Variants in NCKAP5 observed in about 807,000 individuals in gnomAD.
NCKAP5 encodes the protein NCK associated protein 5, also known as nck-associated protein 5.
A neutral mutation model predicts 167.0 loss-of-function variants in NCKAP5; 92 were observed. The ratio of observed to expected loss-of-function variants is 0.55; its 90% CI spans 0.47 to 0.66. NCKAP5 has a LOEUF of 0.66. Ranked by LOEUF, NCKAP5 falls within the 30% of genes least tolerant of loss-of-function variation. The probability of loss-of-function intolerance (pLI) is 0.00; values close to 1 mark genes in which losing one functional copy is unlikely to be tolerated. For missense variants in NCKAP5, 2,378 were observed against 2,315.0 expected (o/e 1.03, Z -0.56); for synonymous variants, 891 against 877.4 (o/e 1.02, Z -0.27).
intron 4 of NCKAP5, among the ~76,000 whole-genome samples, chr2:133,245,008 T>C (rs2087904689): frequency 6.6e-6 from 1 of 152,170 alleles, no homozygotes; most frequent in South Asian, 2.1e-4. Flanking sequence ...CTACACCCAG[T>C]TAAAGACTTG....
At chr2:133,635,200 C>T in the NCKAP5 span, among the ~76,000 whole-genome samples, 1 of 152,054 alleles carries the variant, frequency 6.6e-6, no homozygotes, top group African/African-American at 2.4e-5. Flanking sequence ...AGTCTGGCAA[C>T]TGCATGCAGA....
intron 3 of NCKAP5, among the ~76,000 whole-genome samples, chr2:133,304,374 A>T (rs1470025940): frequency 6.6e-6 from 1 of 152,214 alleles, no homozygotes; most frequent in African/African-American, 2.4e-5. Context: ...AAAAACTGTT[A>T]TGATTCTAAG....
At chr2:133,263,530 T>C (rs765401950) in intron 4 of NCKAP5, among the ~76,000 whole-genome samples, 2 of 152,018 alleles carry the variant, frequency 1.3e-5, no homozygotes, top group Non-Finnish European at 2.9e-5. Flanking sequence ...ATACACAAGA[T>C]CAGCATGATA....
the NCKAP5 span, among the ~76,000 whole-genome samples, chr2:133,614,561 G>A: frequency 1.1e-4 from 16 of 152,180 alleles, no homozygotes; most frequent in East Asian, 3.9e-4. Context: ...GATGGAAGAT[G>A]AAATGAATGA....
At position 133,489,711 on chromosome 2, in the gene NCKAP5, T is replaced by A. The variant is rs182933907; in HGVS notation, c.69+27747A>T. Among the ~76,000 whole-genome samples the A allele has an allele frequency of 1.4e-3, 206 of 152,354 alleles. 1 individual carries two copies. Among genetic ancestry groups the A allele is most frequent in the African/African-American group, 4.9e-3 (204 of 41,582 alleles). On this transcript the variant is annotated intron_variant, in intron 3 of 19. Transcript: ENST00000409261. ...ATCACAATACAATACATGAGAGTTC[T>A]GTTTGTTTGTGTGTTTGTATTTGTT...
rs145872518 is a variant in NCKAP5 at position 133,449,699 on chromosome 2, G to A, written c.69+67759C>T. Among the ~76,000 whole-genome samples, 385 of 152,240 alleles carry A rather than the reference G, an allele frequency of 2.5e-3. 2 individuals are homozygous for A. Among genetic ancestry groups the A allele is most frequent in the African/African-American group, 8.8e-3 (364 of 41,540 alleles). ...GAAATGGATTCTATGTCAAGGTTGC[G>A]ATCATAGATTGTATCATCTTGACTT... On this transcript the variant is annotated intron_variant, in intron 3 of 19. Transcript: ENST00000409261.
chr2:132,734,583 T>C (rs1414217443), intron 16 of NCKAP5, among the ~76,000 whole-genome samples: 2 of 152,164 alleles, frequency 1.3e-5, no homozygotes, highest in Non-Finnish European at 2.9e-5. Flanking sequence ...TTAGGGGCGC[T>C]TTTTCTTTTG....
chr2:133,370,027 C>T (rs753896806), intron 3 of NCKAP5, among the ~76,000 whole-genome samples: 21 of 152,194 alleles, frequency 1.4e-4, no homozygotes, highest in Non-Finnish European at 1.5e-4. Flanking sequence ...GATCAGGTGA[C>T]ATCCAAATCC....
At chr2:132,847,170 C>T (rs1185177005) in intron 11 of NCKAP5, among the ~76,000 whole-genome samples, 1 of 151,872 alleles carries the variant, frequency 6.6e-6, no homozygotes, top group African/African-American at 2.4e-5. Flanking sequence ...AAAGTAAACC[C>T]CAAAAGTGCA....
At chr2:132,999,236 A>G (rs1481642101) in intron 6 of NCKAP5, among the ~76,000 whole-genome samples, 1 of 152,242 alleles carries the variant, frequency 6.6e-6, no homozygotes, top group Non-Finnish European at 1.5e-5. Context: ...AATTCTTATT[A>G]CACTGTTTCC....
rs559602187 is a variant in NCKAP5, at chr2:132,728,857, G to A, written c.5539C>T (p.Leu1847Phe). 6.2e-7 allele frequency: 1 copy of A among 1,613,968 alleles called. No individual in the cohort carries two copies. The highest frequency in any genetic ancestry group is 1.7e-4 in the Middle Eastern group (1 of 6,060). ...YAEDPMASQP[L>F]PDWGSEVAAT... ...GCAACTTCACTCCCCCAGTCTGGAA[G>A]CGGCTGGCTTGCCATTGGGTCTTCA... Residue 1847 changes from leucine to phenylalanine, a missense_variant, in exon 18 of 20, where the codon CTT (leucine) becomes TTT (phenylalanine). Around this residue, in one of 3 missense-constraint regions of NCKAP5, gnomAD observed 1,325 missense variants for 1,274.5 expected, o/e 1.04. Coordinates refer to ENST00000409261, the MANE Select transcript of NCKAP5 (RefSeq NM_207363.3).
chr2:132,705,769 G>A (rs1333854547), intron 19 of NCKAP5, among the ~76,000 whole-genome samples: 1 of 152,146 alleles, frequency 6.6e-6, no homozygotes, highest in Non-Finnish European at 1.5e-5. Flanking sequence ...CAGCTAGAAA[G>A]AACCTTAGAA....
At chr2:133,020,724 C>T (rs1196464227) in intron 6 of NCKAP5, among the ~76,000 whole-genome samples, 1 of 152,180 alleles carries the variant, frequency 6.6e-6, no homozygotes, top group African/African-American at 2.4e-5. Context: ...CGTGCAATAA[C>T]GCACAAGACA....
chr2:132,943,840 C>T (rs1353798133), intron 8 of NCKAP5, among the ~76,000 whole-genome samples: 1 of 152,164 alleles, frequency 6.6e-6, no homozygotes, highest in African/African-American at 2.4e-5. Context: ...AAGAACAAGG[C>T]GGGTGAAAAG....
chr2:133,487,998 T>G (rs1681064079), intron 3 of NCKAP5, among the ~76,000 whole-genome samples: 1 of 152,192 alleles, frequency 6.6e-6, no homozygotes, highest in South Asian at 2.1e-4. Context: ...TTAACAGAAC[T>G]GCATTTTCAC....
chr2:133,127,911 T>C (rs1559167220), intron 6 of NCKAP5, among the ~76,000 whole-genome samples: 1 of 152,298 alleles, frequency 6.6e-6, no homozygotes, highest in East Asian at 1.9e-4. Flanking sequence ...GATTGGTGTA[T>C]TTCTATAGCA....
intron 11 of NCKAP5, among the ~76,000 whole-genome samples, chr2:132,848,018 AAGACTC>A (rs1456634057): frequency 6.6e-6 from 1 of 152,204 alleles, no homozygotes; most frequent in Non-Finnish European, 1.5e-5. Context: ...AACCAGGGTA[AAGACTC>A]AGATTCATTA....
chr2:132,915,975 T>C lies in NCKAP5; in HGVS notation c.580-37059A>G, dbSNP rs191914721. Among the ~76,000 whole-genome samples, 738 of 152,138 alleles carry C rather than the reference T, an allele frequency of 4.9e-3. 9 individuals are homozygous for C. Among genetic ancestry groups the C allele is most frequent in the African/African-American group, 0.017 (718 of 41,544 alleles). ...TGAATTATCACACATCCATACAATG[T>C]GAGGTGGGGCTATGACTCAATAAAT... On this transcript the variant is annotated intron_variant, in intron 8 of 19. Coordinates refer to ENST00000409261, the MANE Select transcript of NCKAP5 (RefSeq NM_207363.3).
At chr2:133,068,282 G>C (rs374018372) in intron 6 of NCKAP5, among the ~76,000 whole-genome samples, 1 of 152,214 alleles carries the variant, frequency 6.6e-6, no homozygotes. Context: ...AATACCAACA[G>C]GACAGAGCTG....
Sources: gnomAD v4.1 joint callset for allele counts (sites outside exome capture counted in the v4.1 genomes callset) on GRCh38, gnomAD v4.1.1 for gene constraint, gnomAD v4.1.1 regional missense constraint, MANE v1.5 for transcripts, NCBI Gene and HGNC (gene_info 2026-07-23, HGNC 2026-07-21) for gene names.